PARD3B: variants seen among roughly 807,000 people sequenced by gnomAD.
PARD3B encodes the protein partitioning defective 3 homolog B.
Under a neutral mutation model 130.2 loss-of-function variants are expected in PARD3B, and 103 were observed. The observed-to-expected ratio is 0.79, with a 90% CI of 0.67 to 0.93. The LOEUF (loss-of-function observed/expected upper bound fraction) is 0.93, where lower values mean the gene tolerates loss of function less well. Among genes scored for constraint, PARD3B ranks in the 40% least tolerant of loss-of-function variants. The pLI, the probability that PARD3B is intolerant of heterozygous loss-of-function variation, is 0.00. For synonymous variants in PARD3B, 583 were observed against 553.2 expected, an observed-to-expected ratio of 1.05 and a Z score of -0.76; for missense variants, 1,609 against 1,499.2, an observed-to-expected ratio of 1.07 and a Z score of -1.21.
intron 16 of PARD3B, among the ~76,000 whole-genome samples, chr2:205,277,774 A>G (rs2041008562): frequency 6.6e-6 from 1 of 152,216 alleles, no homozygotes; most frequent in African/African-American, 2.4e-5. Context: ...GGCCAGGTCA[A>G]GAAGGCCTTT....
At chr2:205,224,542 GC>G (rs1324973170) in intron 15 of PARD3B, among the ~76,000 whole-genome samples, 5 of 23,500 alleles carry the variant, frequency 2.1e-4, no homozygotes, top group Admixed American at 1.8e-3. Context: ...CTCCCCAGAA[GC>G]CCCCCGCCCC....
At chr2:205,437,297 A>G (rs1426864115) in intron 19 of PARD3B, among the ~76,000 whole-genome samples, 1 of 152,176 alleles carries the variant, frequency 6.6e-6, no homozygotes, top group Non-Finnish European at 1.5e-5. Flanking sequence ...TGACTTCATC[A>G]TTTATTATCA....
chr2:205,374,078 G>T (rs2044932409), intron 18 of PARD3B, among the ~76,000 whole-genome samples: 1 of 151,908 alleles, frequency 6.6e-6, no homozygotes, highest in African/African-American at 2.4e-5. Flanking sequence ...AAAGCCAGGA[G>T]GCTGAAATAG....
chr2:204,620,629 A>T (rs892000955), intron 1 of PARD3B, among the ~76,000 whole-genome samples: 1 of 152,184 alleles, frequency 6.6e-6, no homozygotes, highest in Non-Finnish European at 1.5e-5. Flanking sequence ...AAGGTGTTAG[A>T]GTCAAGTCTG....
chr2:205,597,099 G>A (rs1029526241), intron 22 of PARD3B, among the ~76,000 whole-genome samples: 5 of 151,750 alleles, frequency 3.3e-5, no homozygotes, highest in African/African-American at 1.2e-4. Context: ...TTACCTACGT[G>A]TATTACATAA....
intron 2 of PARD3B, among the ~76,000 whole-genome samples, chr2:204,848,734 A>G (rs2044574325): frequency 6.6e-6 from 1 of 151,672 alleles, no homozygotes; most frequent in South Asian, 2.1e-4. Context: ...TATTAAAAAT[A>G]AAGTCTGTAT....
intron 2 of PARD3B, among the ~76,000 whole-genome samples, chr2:204,908,819 T>C (rs974365958): frequency 2.0e-5 from 3 of 152,156 alleles, no homozygotes; most frequent in Non-Finnish European, 4.4e-5. Flanking sequence ...AAAGAAGAGA[T>C]GTTTACTTTT....
At chr2:205,331,448 T>G (rs1218676714) in intron 18 of PARD3B, among the ~76,000 whole-genome samples, 1 of 151,962 alleles carries the variant, frequency 6.6e-6, no homozygotes, top group Non-Finnish European at 1.5e-5. Flanking sequence ...GGTGTGATGT[T>G]CTCACAGGCC....
At position 205,057,673 on chromosome 2, in the gene PARD3B, G is replaced by A. The variant is rs1185073485; in HGVS notation, c.504+9983G>A. Among the ~76,000 whole-genome samples, 52 of 143,450 alleles carry A rather than the reference G, an allele frequency of 3.6e-4. 3 individuals carry two copies. The highest frequency in any genetic ancestry group is 1.3e-3 in the African/African-American group (50 of 39,354). 94.1% of individuals were successfully genotyped at this position (143,450 alleles called of 152,430 possible). ...TGTGTATACGTACATATACATATAT[G>A]TGTATGTGTATACGTACATATACAT... On this transcript the variant is annotated intron_variant, in intron 4 of 22. Transcript: ENST00000406610.
chr2:204,774,097 G>A (rs541884128), intron 2 of PARD3B, among the ~76,000 whole-genome samples: 1 of 151,998 alleles, frequency 6.6e-6, no homozygotes, highest in Admixed American at 6.6e-5. Context: ...GATATTCCAA[G>A]TCTGCCTGGA....
chr2:204,723,610 T>G (rs2039091490), intron 2 of PARD3B, among the ~76,000 whole-genome samples: 2 of 152,138 alleles, frequency 1.3e-5, no homozygotes, highest in Admixed American at 6.5e-5. Flanking sequence ...CACATTCTGT[T>G]TTTAAGGGAA....
At chr2:204,756,700 G>A (rs2040689407) in intron 2 of PARD3B, among the ~76,000 whole-genome samples, 1 of 152,118 alleles carries the variant, frequency 6.6e-6, no homozygotes, top group Non-Finnish European at 1.5e-5. Context: ...TTTTATAATG[G>A]TAAAGAAGGG....
At chr2:205,173,841 T>C (rs1311259526) in intron 12 of PARD3B, among the ~76,000 whole-genome samples, 1 of 152,196 alleles carries the variant, frequency 6.6e-6, no homozygotes, top group African/African-American at 2.4e-5. Context: ...TGGTTTAGGA[T>C]AGTTCTTACT....
intron 1 of PARD3B, among the ~76,000 whole-genome samples, chr2:204,662,270 C>T (rs191458648): frequency 6.6e-6 from 1 of 152,276 alleles, no homozygotes; most frequent in Admixed American, 6.5e-5. Flanking sequence ...AAAGGTTCTT[C>T]AGTACTGGGA....
chr2:205,453,915 G>A (rs2048187026), intron 20 of PARD3B, among the ~76,000 whole-genome samples: 2 of 152,164 alleles, frequency 1.3e-5, no homozygotes, highest in Admixed American at 1.3e-4. Flanking sequence ...AGTCAAAAAT[G>A]TTGGAAACTA....
rs773056501 is a variant in PARD3B, at chr2:205,104,475, C to G, written c.554C>G (p.Thr185Arg). 2 of 1,601,956 alleles carry G rather than the reference C, an allele frequency of 1.2e-6. No individual in the cohort carries two copies. The highest frequency in any genetic ancestry group is 1.7e-4 in the Middle Eastern group (1 of 6,038). Residue 185 changes from threonine to arginine, a missense_variant, in exon 5 of 23, where the codon ACA becomes AGA. Physicochemically the swap from Thr to Arg is moderately conservative, Grantham distance 71. Transcript: ENST00000406610. ...AGAGAAGTTTTGAATGGTGTACAGA[C>G]AGAACTACTAACTTCGCCAAGAACT... ...EDREVLNGVQTELLTSPRTKD... is the reference protein window; with the variant it reads ...EDREVLNGVQRELLTSPRTKD...
At chr2:205,152,254 AAGG>A (rs2033809773) in intron 10 of PARD3B, among the ~76,000 whole-genome samples, 1 of 152,060 alleles carries the variant, frequency 6.6e-6, no homozygotes, top group African/African-American at 2.4e-5. Context: ...TGCTCTTCTC[AAGG>A]AGTATCTTTG....
At chr2:205,133,323 G>C (rs1160822900) in intron 10 of PARD3B, among the ~76,000 whole-genome samples, 1 of 152,052 alleles carries the variant, frequency 6.6e-6, no homozygotes, top group Non-Finnish European at 1.5e-5. Context: ...CTTCAATTTG[G>C]GCTGCAATAA....
intron 10 of PARD3B, among the ~76,000 whole-genome samples, chr2:205,148,328 G>A (rs1458438828): frequency 6.6e-6 from 1 of 151,998 alleles, no homozygotes; most frequent in East Asian, 1.9e-4. Flanking sequence ...TCTTTGACAT[G>A]TGCCTGCTCA....
Sources: allele counts gnomAD v4.1 joint callset (sites outside exome capture counted in the v4.1 genomes callset), GRCh38; gene constraint gnomAD v4.1.1; transcripts MANE v1.5; gene names NCBI Gene and HGNC (gene_info 2026-07-23, HGNC 2026-07-21).